The following CLVS1 variants were observed in gnomAD, a reference collection of about 807,000 sequenced individuals.
The protein encoded by CLVS1 is clavesin-1.
A neutral mutation model predicts 33.1 loss-of-function variants in CLVS1; 10 were observed. The ratio of observed to expected loss-of-function variants is 0.30; its 90% confidence interval spans 0.19 to 0.51. The LOEUF (loss-of-function observed/expected upper bound fraction) is 0.51. CLVS1 is among the 20% of genes least tolerant of loss of function. The pLI is 0.97. For synonymous variants in CLVS1, 163 were observed against 166.1 expected (o/e 0.98, Z 0.14); for missense variants, 343 against 433.4 (o/e 0.79, Z 1.85).
At chr8:61,064,827 G>A (rs980853612) in intron 1 of CLVS1, among the ~76,000 whole-genome samples, 17 of 151,954 alleles carry the variant, frequency 1.1e-4, no homozygotes, top group African/African-American at 2.4e-4. Context: ...TCAGCCTCCC[G>A]AGTAGCTGGG....
intron 3 of CLVS1, among the ~76,000 whole-genome samples, chr8:61,411,276 C>A (rs1460816058): frequency 6.6e-6 from 1 of 152,214 alleles, no homozygotes; most frequent in East Asian, 1.9e-4. Context: ...TTGAGCAAAG[C>A]ACTGAATTCC....
At chr8:61,393,488 A>G (rs1042546942) in intron 3 of CLVS1, among the ~76,000 whole-genome samples, 1 of 152,114 alleles carries the variant, frequency 6.6e-6, no homozygotes, top group Non-Finnish European at 1.5e-5. Context: ...TTGTTGTGTA[A>G]TATTACCAGA....
intron 2 of CLVS1, among the ~76,000 whole-genome samples, chr8:61,148,123 AC>A: frequency 6.6e-6 from 1 of 152,240 alleles, no homozygotes; most frequent in African/African-American, 2.4e-5. Flanking sequence ...CACACTGACA[AC>A]CTTTCTTTAT....
intron 3 of CLVS1, among the ~76,000 whole-genome samples, chr8:61,426,992 TC>T (rs1467678481): frequency 6.6e-6 from 1 of 152,198 alleles, no homozygotes. Flanking sequence ...CAAAATAGTA[TC>T]ATTTAAAGTG....
intron 2 of CLVS1, among the ~76,000 whole-genome samples, chr8:61,174,608 T>G (rs1448163869): frequency 6.6e-6 from 1 of 152,192 alleles, no homozygotes; most frequent in Non-Finnish European, 1.5e-5. Context: ...TTGTTGGAAT[T>G]CAGAATGACT....
At chr8:61,466,775 G>T (rs1442557535) in intron 5 of CLVS1, among the ~76,000 whole-genome samples, 1 of 152,080 alleles carries the variant, frequency 6.6e-6, no homozygotes, top group Admixed American at 6.5e-5. Context: ...AGCCTCCCGA[G>T]TAGCTGGGAT....
chr8:61,175,428 G>A (rs1391827588), intron 2 of CLVS1, among the ~76,000 whole-genome samples: 1 of 152,154 alleles, frequency 6.6e-6, no homozygotes, highest in African/African-American at 2.4e-5. Context: ...CTCCAGAACT[G>A]TAAGAAATAA....
Position 61,402,028 on chromosome 8 carries a change from A to T in CLVS1, c.630+25249A>T, listed in dbSNP as rs1814785659. On this transcript the variant is annotated intron_variant, in intron 3 of 5. Transcript: ENST00000325897. ...TTCTTATAGGCAAGGGCCTATAAGA[A>T]ATCTTAGGTATCTTTTATTCACAAG... 1.3e-5 allele frequency among the ~76,000 whole-genome samples: 2 copies of T among 152,262 alleles called. 1 individual carries two copies. Among genetic ancestry groups the T allele is most frequent in the South Asian group, 4.1e-4 (2 of 4,822 alleles).
the CLVS1 span, among the ~76,000 whole-genome samples, chr8:60,993,916 C>T: frequency 6.6e-6 from 1 of 152,140 alleles, no homozygotes; most frequent in Non-Finnish European, 1.5e-5. Context: ...CTTTCTCTGG[C>T]CCCTTGTGAT....
intron 2 of CLVS1, among the ~76,000 whole-genome samples, chr8:61,319,975 G>A (rs1463579934): frequency 2.0e-5 from 3 of 151,810 alleles, no homozygotes; most frequent in Non-Finnish European, 2.9e-5. Context: ...ATAACAGTGT[G>A]TCAAATTCTT....
intron 2 of CLVS1, among the ~76,000 whole-genome samples, chr8:61,143,912 A>G (rs2129293590): frequency 6.7e-6 from 1 of 149,712 alleles, no homozygotes; most frequent in East Asian, 1.9e-4. Context: ...ACCCAAGCAA[A>G]TTAAGATGGA....
At chr8:61,479,798 A>T (rs1818113097) in intron 5 of CLVS1, among the ~76,000 whole-genome samples, 1 of 152,058 alleles carries the variant, frequency 6.6e-6, no homozygotes, top group Admixed American at 6.6e-5. Context: ...TTTTCCTTCT[A>T]ACAGTCAGGA....
At chr8:61,194,069 T>G (rs1434682961) in intron 2 of CLVS1, among the ~76,000 whole-genome samples, 1 of 137,224 alleles carries the variant, frequency 7.3e-6, no homozygotes, top group Non-Finnish European at 1.6e-5. Flanking sequence ...AAGAGGGTAT[T>G]CATTTCAAAG....
chr8:61,226,766 G>C (rs1033434704), intron 2 of CLVS1, among the ~76,000 whole-genome samples: 13 of 152,114 alleles, frequency 8.5e-5, no homozygotes, highest in Non-Finnish European at 1.8e-4. Flanking sequence ...GGTCAAACTG[G>C]GGGGAAAGAT....
chr8:61,465,236 A>G (rs1343881334), intron 5 of CLVS1: 1 of 152,202 alleles, frequency 6.6e-6, no homozygotes, highest in Non-Finnish European at 1.5e-5. Flanking sequence ...CGACCCCCAT[A>G]GTTCCCTACA....
chr8:61,279,839 G>T (rs1809635158), intron 2 of CLVS1, among the ~76,000 whole-genome samples: 1 of 152,122 alleles, frequency 6.6e-6, no homozygotes, highest in Non-Finnish European at 1.5e-5. Flanking sequence ...TTTTGGTAAG[G>T]TTAATGTGAA....
the CLVS1 span, among the ~76,000 whole-genome samples, chr8:61,033,563 T>C: frequency 1.3e-5 from 2 of 152,134 alleles, no homozygotes; most frequent in Non-Finnish European, 2.9e-5. Flanking sequence ...GGGGGGAGTG[T>C]GGGTGGGCCC....
rs193273946 is a variant in CLVS1 at position 61,475,356 on chromosome 8, C to T, written c.977+16814C>T. ...AAATGGTATTTCTAGTTCTAGATCC[C>T]TGAGGAATCGCCACACCAGCTTCCA... On this transcript the variant is annotated intron_variant, in intron 5 of 5. Coordinates refer to ENST00000325897, the MANE Select transcript of CLVS1 (RefSeq NM_173519.3). 4.1e-3 allele frequency among the ~76,000 whole-genome samples: 628 copies of T among 152,254 alleles called. 27 individuals are homozygous for T. The East Asian group carries it at 0.084, about 20-fold the overall frequency.
intron 5 of CLVS1, among the ~76,000 whole-genome samples, chr8:61,481,508 G>A (rs187384533): frequency 1.0e-3 from 157 of 152,300 alleles, no homozygotes; most frequent in Non-Finnish European, 2.0e-3. Context: ...CTAATACTAC[G>A]CTTTTCCAAC....
Sources: gnomAD v4.1 joint callset for allele counts (sites outside exome capture counted in the v4.1 genomes callset) on GRCh38, gnomAD v4.1.1 for gene constraint, MANE v1.5 for transcripts, NCBI Gene and HGNC (gene_info 2026-07-23, HGNC 2026-07-21) for gene names.